TNRC18: variants seen among roughly 807,000 people sequenced by gnomAD.
The protein encoded by TNRC18 is trinucleotide repeat-containing gene 18 protein.
TNRC18 carries 69 observed loss-of-function variants against 226.7 expected under a neutral mutation model. The observed-to-expected ratio is 0.30, with a 90% CI of 0.25 to 0.37. TNRC18 has a LOEUF of 0.37. TNRC18 is among the 10% of genes least tolerant of loss of function. The pLI is 1.00. For missense variants in TNRC18, 4,754 were observed against 4,256.6 expected, an observed-to-expected ratio of 1.12 and a Z score of -3.25; for synonymous variants, 2,449 against 1,927.6, an observed-to-expected ratio of 1.27 and a Z score of -7.09.
At chr7:5,415,580 C>T (rs1463052614) in intron 2 of TNRC18, among the ~76,000 whole-genome samples, 3 of 151,114 alleles carry the variant, frequency 2.0e-5, no homozygotes, top group African/African-American at 7.3e-5. Context: ...GCTGTTTCGC[C>T]ATGTTGGCCA....
chr7:5,323,121 C>T (rs117563947), intron 21 of TNRC18, among the ~76,000 whole-genome samples: 11,697 of 152,254 alleles, frequency 0.077, 602 homozygotes, highest in Non-Finnish European at 0.11. Context: ...GCCCCTGAGA[C>T]GCACACAGGC....
chr7:5,421,911 A>G (rs1025687246), intron 1 of TNRC18, among the ~76,000 whole-genome samples: 6 of 152,266 alleles, frequency 3.9e-5, no homozygotes, highest in African/African-American at 1.4e-4. Context: ...AGTGTCTCCC[A>G]AAACACTCTG....
chr7:5,394,330 G>A lies in TNRC18; in HGVS notation c.343+110C>T. The A allele has an allele frequency of 3.6e-6, 4 of 1,099,074 alleles. No individual in the cohort carries two copies. The highest frequency in any genetic ancestry group is 1.8e-5 in the South Asian group (1 of 55,136). 68.1% of individuals were successfully genotyped at this position (1,099,074 alleles called of 1,614,324 possible). On this transcript the variant is annotated intron_variant, in intron 3 of 29. Coordinates refer to ENST00000430969, the MANE Select transcript of TNRC18 (RefSeq NM_001080495.3). The surrounding 1 kb of genome is among the most constrained non-coding windows in gnomAD (Gnocchi z 4.5). ...ACAACAGGGAAGCCAGGTGACCTGGGACCCACCAGCCCCAGCTCAGCGATG... is the reference window on the plus strand; with the variant it reads ...ACAACAGGGAAGCCAGGTGACCTGGAACCCACCAGCCCCAGCTCAGCGATG...
At position 5,316,110 on chromosome 7, in the gene TNRC18, C is replaced by T. The variant is rs748205850; in HGVS notation, c.6746-38G>A. On this transcript the variant is annotated intron_variant, in intron 24 of 29. Coordinates refer to ENST00000430969, the MANE Select transcript of TNRC18 (RefSeq NM_001080495.3). ...GGGAGGCTCAGGGGAGGCCCTCGGACCTCCAGCTCCCTAGTGACGCACAAG... is the reference window on the plus strand; with the variant it reads ...GGGAGGCTCAGGGGAGGCCCTCGGATCTCCAGCTCCCTAGTGACGCACAAG... 7 of 1,517,140 alleles carry T rather than the reference C, an allele frequency of 4.6e-6. No homozygotes were observed. In the African/African-American group the frequency reaches 6.9e-5, roughly 15 times the overall value. The allele number at this position is 1,517,140 out of a possible 1,614,324, so 94.0% of individuals were successfully genotyped here.
At chr7:5,341,777 A>C (rs1790713595) in intron 18 of TNRC18, among the ~76,000 whole-genome samples, 2 of 152,062 alleles carry the variant, frequency 1.3e-5, no homozygotes. Context: ...AAAAAAAAAA[A>C]AAAAAAGGGA....
Position 5,307,586 on chromosome 7 carries a change from CCCTGGCACAGTCAGGTAGGCCA to C in TNRC18, c.*498_*519del. 1 of 447,416 alleles carries C rather than the reference CCCTGGCACAGTCAGGTAGGCCA, an allele frequency of 2.2e-6. No homozygotes were observed. The highest frequency in any genetic ancestry group is 1.6e-5 in the South Asian group (1 of 63,132). The allele number at this position is 447,416 out of a possible 1,614,324, so 27.7% of individuals were successfully genotyped here. A position where few individuals can be genotyped will look rare whatever the true frequency, so the allele number is the denominator to read the frequency against. On this transcript the variant is annotated 3_prime_UTR_variant, in exon 30 of 30. Coordinates refer to ENST00000430969, the MANE Select transcript of TNRC18 (RefSeq NM_001080495.3). Reference sequence around the variant, plus strand: ...CATCCTGAGAGGGTGGGGGCAGGGCCCCTGGCACAGTCAGGTAGGCCAGCTGGCATCGGGCTGCCCTGTCCCA... The same window carrying C: ...CATCCTGAGAGGGTGGGGGCAGGGCCGCTGGCATCGGGCTGCCCTGTCCCA...
Position 5,388,653 on chromosome 7 carries a change from C to T in TNRC18, c.1171G>A (p.Ala391Thr), listed in dbSNP as rs1584028103. 1 of 1,275,600 alleles carries T rather than the reference C, an allele frequency of 7.8e-7. No homozygotes were observed. Among genetic ancestry groups the T allele is most frequent in the East Asian group, 3.6e-5 (1 of 27,518 alleles). The allele number at this position is 1,275,600 out of a possible 1,614,324, so 79.0% of individuals were successfully genotyped here. Residue 391 changes from alanine to threonine, a missense_variant, in exon 5 of 30, where the codon GCA becomes ACA. Transcript: ENST00000430969. ...GCCCGGGCATCGCGCGCCTGGGATG[C>T]GATCTGGATGGGCCCCGGGCGCTCG... ...FDERPGPIQI[A>T]SQARDARARE...
chr7:5,322,159 T>A (rs1219750784), intron 21 of TNRC18, among the ~76,000 whole-genome samples: 17 of 151,798 alleles, frequency 1.1e-4, no homozygotes. Context: ...ACGCCTGTAG[T>A]CCCAGCTACT....
chr7:5,307,928 GCA>G lies in TNRC18; in HGVS notation c.*176_*177del, dbSNP rs1313643596. On this transcript the variant is annotated 3_prime_UTR_variant, in exon 30 of 30. Coordinates refer to ENST00000430969, the MANE Select transcript of TNRC18 (RefSeq NM_001080495.3). ...GGGCTGGAGGCATGTGCACATGCGT[GCA>G]CACACGTGCATGCACACACACTCAC... 6 of 622,502 alleles carry G rather than the reference GCA, an allele frequency of 9.6e-6. No individual in the cohort carries two copies. Among genetic ancestry groups the G allele is most frequent in the Non-Finnish European group, 1.4e-5 (5 of 355,756 alleles). 38.6% of individuals were successfully genotyped at this position (622,502 alleles called of 1,614,324 possible). A position where few individuals can be genotyped will look rare whatever the true frequency, so the allele number is the denominator to read the frequency against.
At chr7:5,379,716 G>A (rs1244926975) in intron 5 of TNRC18, among the ~76,000 whole-genome samples, 8 of 152,242 alleles carry the variant, frequency 5.3e-5, no homozygotes, top group South Asian at 4.1e-4. Flanking sequence ...GTGAAGGCCC[G>A]GGAATGGGAG....
intron 2 of TNRC18, among the ~76,000 whole-genome samples, chr7:5,399,785 A>C (rs1419888679): frequency 1.3e-5 from 2 of 152,184 alleles, no homozygotes; most frequent in African/African-American, 4.8e-5. Flanking sequence ...TGGGAGGCCT[A>C]GGCGGGTGGA....
chr7:5,404,367 T>C (rs1781322144), intron 2 of TNRC18, among the ~76,000 whole-genome samples: 1 of 151,992 alleles, frequency 6.6e-6, no homozygotes, highest in Non-Finnish European at 1.5e-5. Flanking sequence ...CAAGACTCCG[T>C]CTTGAGAAAA....
chr7:5,396,434 A>C (rs1366551471), intron 2 of TNRC18, among the ~76,000 whole-genome samples: 1 of 152,080 alleles, frequency 6.6e-6, no homozygotes, highest in Non-Finnish European at 1.5e-5. Context: ...AGGCGAGAGG[A>C]TGGGTTGAGC....
At chr7:5,396,149 C>T (rs1449907861) in intron 2 of TNRC18, among the ~76,000 whole-genome samples, 3 of 123,018 alleles carry the variant, frequency 2.4e-5, no homozygotes, top group South Asian at 2.5e-4. Flanking sequence ...CCAGCCTGGG[C>T]GACAGAGAGA....
chr7:5,359,703 G>A (rs1237101601), intron 14 of TNRC18, 134 bp from the exon 15 acceptor site: 3 of 902,136 alleles, frequency 3.3e-6, no homozygotes, highest in African/African-American at 3.4e-5. Context: ...ACGGGCGTGG[G>A]GAGATGGATC....
intron 5 of TNRC18, among the ~76,000 whole-genome samples, chr7:5,382,253 G>A (rs979913533): frequency 6.6e-6 from 1 of 152,154 alleles, no homozygotes; most frequent in Non-Finnish European, 1.5e-5. Flanking sequence ...AACATACACG[G>A]CCCCACACAG....
intron 16 of TNRC18, among the ~76,000 whole-genome samples, chr7:5,355,291 T>G (rs1792235881): frequency 6.6e-6 from 1 of 152,210 alleles, no homozygotes; most frequent in Admixed American, 6.5e-5. Context: ...TTAAATGAGA[T>G]AAAACTCCAT....
intron 2 of TNRC18, among the ~76,000 whole-genome samples, chr7:5,417,050 C>A (rs542886435): frequency 4.6e-4 from 70 of 152,138 alleles, no homozygotes; most frequent in Admixed American, 2.0e-3. Context: ...GAAATCCCAG[C>A]ACTTTGGGAG....
intron 3 of TNRC18, among the ~76,000 whole-genome samples, chr7:5,393,781 C>CG (rs1780467997): frequency 6.6e-6 from 1 of 152,150 alleles, no homozygotes; most frequent in African/African-American, 2.4e-5. Flanking sequence ...CTCACGACCC[C>CG]GGGGAAGCCA....
Sources: allele counts gnomAD v4.1 joint callset (sites outside exome capture counted in the v4.1 genomes callset), GRCh38; gene constraint gnomAD v4.1.1; non-coding constraint Gnocchi (gnomAD v3.1); transcripts MANE v1.5; gene names NCBI Gene and HGNC (gene_info 2026-07-23, HGNC 2026-07-21).